DACH1: variants seen among roughly 807,000 people sequenced by gnomAD.
DACH1 encodes dachshund family transcription factor 1.
Under a neutral mutation model 54.2 loss-of-function variants are expected in DACH1, and 12 were observed. That is an observed-to-expected ratio of 0.22 (90% CI 0.14 to 0.36). The LOEUF (loss-of-function observed/expected upper bound fraction) is 0.36. Ranked by LOEUF, DACH1 falls within the 10% of genes least tolerant of loss-of-function variation. The pLI is 1.00. For synonymous variants in DACH1, 386 were observed against 366.2 expected (o/e 1.05, Z -0.62); for missense variants, 805 against 929.8 (o/e 0.87, Z 1.75).
At chr13:71,634,379 T>G (rs893241143) in intron 2 of DACH1, among the ~76,000 whole-genome samples, 1 of 152,176 alleles carries the variant, frequency 6.6e-6, no homozygotes, top group East Asian at 1.9e-4. Flanking sequence ...CCTATCTGTA[T>G]GTATTCCTGC....
intron 1 of DACH1, among the ~76,000 whole-genome samples, chr13:71,708,858 T>G (rs1882572422): frequency 6.8e-6 from 1 of 146,600 alleles, no homozygotes; most frequent in African/African-American, 2.5e-5. Context: ...TGTTGTTTTT[T>G]TTTTTTTTTT....
chr13:71,494,444 C>T (rs978313704), intron 6 of DACH1, among the ~76,000 whole-genome samples: 3 of 151,898 alleles, frequency 2.0e-5, no homozygotes, highest in Non-Finnish European at 2.9e-5. Context: ...AAATAAGTTT[C>T]GTGTTAGATG....
rs574645255 is a variant in DACH1 at position 71,624,601 on chromosome 13, A to AAAAC, written c.1126+5951_1126+5954dup. Among the ~76,000 whole-genome samples the AAAAC allele has an allele frequency of 9.1e-4, 138 of 152,032 alleles. 1 individual carries two copies. Among genetic ancestry groups the AAAAC allele is most frequent in the African/African-American group, 3.0e-3 (126 of 41,536 alleles). ...TAGGCAGAAAAACATTCTAGTTACC[A>AAAAC]AAACAAACAAACAAACAAACAAAAA... is the stretch of plus-strand genomic sequence containing the variant. On this transcript the variant is annotated intron_variant, in intron 3 of 10. Transcript: ENST00000613252.
At chr13:71,536,348 T>A (rs1390461058) in intron 6 of DACH1, among the ~76,000 whole-genome samples, 1 of 152,070 alleles carries the variant, frequency 6.6e-6, no homozygotes, top group Non-Finnish European at 1.5e-5. Context: ...GGTTAAAGTG[T>A]TAGTCTATGG....
chr13:71,784,635 G>C (rs964368250), intron 1 of DACH1, among the ~76,000 whole-genome samples: 1 of 152,008 alleles, frequency 6.6e-6, no homozygotes, highest in Admixed American at 6.6e-5. Flanking sequence ...TCTCTTAGAA[G>C]TCCACTGCCC....
intron 3 of DACH1, among the ~76,000 whole-genome samples, chr13:71,614,031 A>G (rs1875561430): frequency 1.3e-5 from 2 of 152,162 alleles, no homozygotes; most frequent in Non-Finnish European, 1.5e-5. Flanking sequence ...AAAGATTGCT[A>G]TGTACTGAGC....
intron 6 of DACH1, among the ~76,000 whole-genome samples, chr13:71,542,588 C>T (rs558967790): frequency 1.8e-4 from 28 of 152,108 alleles, no homozygotes; most frequent in Non-Finnish European, 4.0e-4. Flanking sequence ...AAATCTCTCT[C>T]CTCTTTGGCT....
chr13:71,834,160 A>G (rs975439865), intron 1 of DACH1, among the ~76,000 whole-genome samples: 37 of 152,168 alleles, frequency 2.4e-4, no homozygotes, highest in Non-Finnish European at 2.9e-4. Flanking sequence ...ATCCCTTAGG[A>G]TAAAGTTACT....
intron 3 of DACH1, among the ~76,000 whole-genome samples, chr13:71,588,607 A>T (rs1009685339): frequency 6.6e-6 from 1 of 152,082 alleles, no homozygotes; most frequent in Non-Finnish European, 1.5e-5. Context: ...TAAAACAAGG[A>T]ACAGACAAAT....
chr13:71,605,488 T>A (rs983180540), intron 3 of DACH1, among the ~76,000 whole-genome samples: 2 of 151,878 alleles, frequency 1.3e-5, no homozygotes, highest in African/African-American at 4.8e-5. Flanking sequence ...TGAAATAAAA[T>A]TTAAATAACA....
intron 2 of DACH1, among the ~76,000 whole-genome samples, chr13:71,663,344 T>C (rs1463194701): frequency 6.6e-6 from 1 of 152,010 alleles, no homozygotes; most frequent in African/African-American, 2.4e-5. Context: ...AACTTTGTCA[T>C]TTTAAATGTT....
At chr13:71,743,083 A>G (rs1456775645) in intron 1 of DACH1, among the ~76,000 whole-genome samples, 1 of 152,196 alleles carries the variant, frequency 6.6e-6, no homozygotes, top group African/African-American at 2.4e-5. Flanking sequence ...TGAGTTTCCA[A>G]TTGCATAGAG....
chr13:71,684,375 GGC>G (rs1191524723), intron 1 of DACH1, among the ~76,000 whole-genome samples: 1 of 152,052 alleles, frequency 6.6e-6, no homozygotes, highest in East Asian at 1.9e-4. Context: ...GGTCCCTGAC[GGC>G]TTTTCCAATT....
chr13:71,572,268 C>T (rs932022120), intron 4 of DACH1, among the ~76,000 whole-genome samples: 2 of 151,976 alleles, frequency 1.3e-5, no homozygotes, highest in African/African-American at 4.8e-5. Flanking sequence ...CACACAGATA[C>T]ACAGGGATAG....
In DACH1 at chr13:71,861,062, G is replaced by T. The variant is rs901369751; in HGVS notation, c.848+4860C>A. 2.0e-5 allele frequency among the ~76,000 whole-genome samples: 3 copies of T among 151,822 alleles called. No individual in the cohort carries two copies. The East Asian group carries it at 5.8e-4, about 29-fold the overall frequency. The stretch of plus-strand genomic sequence containing the variant: ...ATCTCAGGGAGTTGGGGGATGCAGT[G>T]AGGCAAAAAGAGGGTGGTTAATATT... On this transcript the variant is annotated intron_variant, in intron 1 of 10. Transcript: ENST00000613252.
chr13:71,501,643 T>G (rs1879922137), intron 6 of DACH1, among the ~76,000 whole-genome samples: 1 of 152,244 alleles, frequency 6.6e-6, no homozygotes, highest in African/African-American at 2.4e-5. Context: ...CTTCTAATTT[T>G]ATGTATATTT....
intron 6 of DACH1, among the ~76,000 whole-genome samples, chr13:71,505,239 C>T (rs375464905): frequency 1.1e-3 from 169 of 152,154 alleles, no homozygotes; most frequent in African/African-American, 3.7e-3. Flanking sequence ...TGTGCCACCA[C>T]GCCCGGCTAC....
At chr13:71,822,344 T>C (rs1888225237) in intron 1 of DACH1, among the ~76,000 whole-genome samples, 1 of 152,218 alleles carries the variant, frequency 6.6e-6, no homozygotes, top group Admixed American at 6.5e-5. Flanking sequence ...CCACCTTTAA[T>C]ATAGTAAAAG....
At chr13:71,608,486 A>C (rs1359544852) in intron 3 of DACH1, among the ~76,000 whole-genome samples, 1 of 152,048 alleles carries the variant, frequency 6.6e-6, no homozygotes, top group Non-Finnish European at 1.5e-5. Context: ...GTTTCACTCT[A>C]TATTAGACTT....
Sources: gnomAD v4.1 joint callset for allele counts (sites outside exome capture counted in the v4.1 genomes callset) on GRCh38, gnomAD v4.1.1 for gene constraint, MANE v1.5 for transcripts, NCBI Gene and HGNC (gene_info 2026-07-23, HGNC 2026-07-21) for gene names.